Variants in SNX29 observed in about 807,000 individuals in gnomAD.
SNX29 encodes the protein sorting nexin-29.
SNX29 carries 78 observed loss-of-function variants against 102.1 expected under a neutral mutation model. That is an observed-to-expected ratio of 0.76 (90% CI 0.64 to 0.92). SNX29 has a LOEUF of 0.92. SNX29 is among the 40% of genes least tolerant of loss of function. The pLI is 0.00. For missense variants in SNX29, 1,280 were observed against 1,061.7 expected, an observed-to-expected ratio of 1.21 and a Z score of -2.86; for synonymous variants, 580 against 414.5, an observed-to-expected ratio of 1.40 and a Z score of -4.85.
At chr16:12,252,666 C>T (rs1316477040) in intron 14 of SNX29, among the ~76,000 whole-genome samples, 1 of 152,240 alleles carries the variant, frequency 6.6e-6, no homozygotes, top group African/African-American at 2.4e-5. Context: ...GTCACCACAG[C>T]ATTGCCTCCT....
intron 20 of SNX29, among the ~76,000 whole-genome samples, chr16:12,561,474 G>T (rs895909937): frequency 6.6e-5 from 10 of 152,138 alleles, no homozygotes; most frequent in Non-Finnish European, 1.2e-4. Flanking sequence ...AGTAAGTGGA[G>T]TATTGACCGG....
At chr16:12,141,029 G>T (rs535383881) in intron 13 of SNX29, among the ~76,000 whole-genome samples, 10 of 152,338 alleles carry the variant, frequency 6.6e-5, no homozygotes, top group African/African-American at 1.9e-4. Context: ...GCGCAACTGT[G>T]CTAGAAAACA....
Position 11,976,821 on chromosome 16 carries a change from G to A in SNX29, c.7+8G>A. ...GGAGAGGCACCATGAGCGGTGAGTG[G>A]CGGCCCCGCCGCTGTCACCTGCCCC... On this transcript the variant is annotated splice_region_variant and intron_variant, in intron 1 of 20. Transcript: ENST00000566228. The A allele has an allele frequency of 7.3e-7, 1 of 1,375,896 alleles. No homozygotes were observed. The allele number at this position is 1,375,896 out of a possible 1,614,324, so 85.2% of individuals were successfully genotyped here.
intron 15 of SNX29, among the ~76,000 whole-genome samples, chr16:12,298,788 A>G (rs1428941631): frequency 6.6e-6 from 1 of 152,102 alleles, no homozygotes; most frequent in Non-Finnish European, 1.5e-5. Context: ...AGGGGTGACG[A>G]TGTGGGTATA....
At chr16:12,558,094 G>C (rs139981154) in intron 20 of SNX29, among the ~76,000 whole-genome samples, 1 of 152,296 alleles carries the variant, frequency 6.6e-6, no homozygotes, top group African/African-American at 2.4e-5. Flanking sequence ...GCAAAGTGGG[G>C]ACGGGGCAAC....
intron 16 of SNX29, among the ~76,000 whole-genome samples, chr16:12,383,319 CAT>C (rs2151437920): frequency 6.6e-6 from 1 of 152,314 alleles, no homozygotes; most frequent in South Asian, 2.1e-4. Flanking sequence ...TGAGATAAGA[CAT>C]AGCATTATAA....
At chr16:12,559,215 G>A (rs373843627) in intron 20 of SNX29, among the ~76,000 whole-genome samples, 3 of 152,034 alleles carry the variant, frequency 2.0e-5, no homozygotes, top group Non-Finnish European at 4.4e-5. Context: ...CGCTTCGTCT[G>A]TATTTACAGC....
At chr16:12,021,794 G>C (rs2151096238) in intron 3 of SNX29, among the ~76,000 whole-genome samples, 1 of 151,988 alleles carries the variant, frequency 6.6e-6, no homozygotes, top group East Asian at 1.9e-4. Flanking sequence ...CCAGAGGCTT[G>C]AGGCAGGATA....
intron 11 of SNX29, among the ~76,000 whole-genome samples, chr16:12,092,205 A>G (rs1252900451): frequency 6.6e-6 from 1 of 152,106 alleles, no homozygotes; most frequent in Non-Finnish European, 1.5e-5. Flanking sequence ...CTGAGTAGAC[A>G]CACTTTGTCT....
At chr16:12,424,958 A>G (rs925257112) in intron 18 of SNX29, among the ~76,000 whole-genome samples, 6 of 151,226 alleles carry the variant, frequency 4.0e-5, no homozygotes, top group Non-Finnish European at 8.8e-5. Flanking sequence ...CAAATGGATA[A>G]ATAAATTGGG....
intron 15 of SNX29, among the ~76,000 whole-genome samples, chr16:12,327,071 C>T (rs376079363): frequency 6.6e-6 from 1 of 152,184 alleles, no homozygotes; most frequent in Admixed American, 6.5e-5. Context: ...ATAGGAACCA[C>T]ATGACCCCTC....
At chr16:12,398,359 C>T in intron 16 of SNX29, 87 bp from the exon 17 acceptor site, 1 of 1,427,574 alleles carries the variant, frequency 7.0e-7, no homozygotes, top group East Asian at 2.3e-5. Context: ...TCAGGGATCT[C>T]TGAGAGGCAG....
At chr16:12,564,614 C>G (rs1225142973) in intron 20 of SNX29, among the ~76,000 whole-genome samples, 2 of 151,702 alleles carry the variant, frequency 1.3e-5, no homozygotes, top group Non-Finnish European at 1.5e-5. Context: ...TGTAACAGAC[C>G]TAGTCCCAGC....
At chr16:12,125,529 C>T (rs926904637) in intron 11 of SNX29, among the ~76,000 whole-genome samples, 2 of 147,614 alleles carry the variant, frequency 1.4e-5, no homozygotes, top group South Asian at 2.2e-4. Context: ...CGGCATCCAT[C>T]GTCCTCTGTT....
intron 8 of SNX29, 79 bp downstream of exon 8, chr16:12,052,301 C>T: frequency 6.6e-7 from 1 of 1,511,442 alleles, no homozygotes; most frequent in Non-Finnish European, 9.1e-7. Context: ...ACTGCAACCT[C>T]CACCTCCCGG....
chr16:12,157,856 C>T (rs562801709), intron 13 of SNX29, among the ~76,000 whole-genome samples: 3 of 152,252 alleles, frequency 2.0e-5, no homozygotes, highest in South Asian at 2.1e-4. Flanking sequence ...TGCTTGTCTC[C>T]GTCTGCCCGA....
chr16:12,163,126 C>CCTCCCAAAGGTT (rs1211325130), intron 13 of SNX29, among the ~76,000 whole-genome samples: 2 of 152,160 alleles, frequency 1.3e-5, no homozygotes, highest in Non-Finnish European at 2.9e-5. Flanking sequence ...AGGTGATACG[C>CCTCCCAAAGGTT]CCACCTTGGC....
At chr16:12,504,829 G>A (rs2089299770) in intron 19 of SNX29, among the ~76,000 whole-genome samples, 1 of 152,162 alleles carries the variant, frequency 6.6e-6, no homozygotes, top group South Asian at 2.1e-4. Context: ...ACATCCCCTG[G>A]GGGTCTTGGA....
chr16:12,393,187 T>A (rs2083592238), intron 16 of SNX29, among the ~76,000 whole-genome samples: 1 of 152,222 alleles, frequency 6.6e-6, no homozygotes, highest in African/African-American at 2.4e-5. Flanking sequence ...CCATAGGATC[T>A]TCCTTGTTGC....
Sources: gnomAD v4.1 joint callset for allele counts (sites outside exome capture counted in the v4.1 genomes callset) on GRCh38, gnomAD v4.1.1 for gene constraint, MANE v1.5 for transcripts, NCBI Gene and HGNC (gene_info 2026-07-23, HGNC 2026-07-21) for gene names.